The following MCTP2 variants were observed in gnomAD, a reference collection of about 807,000 sequenced individuals.
The protein encoded by MCTP2 is multiple C2 and transmembrane domain-containing protein 2.
MCTP2 carries 132 observed loss-of-function variants against 111.6 expected under a neutral mutation model. The ratio of observed to expected loss-of-function variants is 1.18; its 90% CI spans 1.03 to 1.37. The LOEUF (loss-of-function observed/expected upper bound fraction) is 1.37, where lower values mean the gene tolerates loss of function less well. MCTP2 is among the 40% of genes most tolerant of loss of function. The pLI is 0.00. For synonymous variants in MCTP2, 395 were observed against 387.7 expected, an observed-to-expected ratio of 1.02 and a Z score of -0.22; for missense variants, 1,183 against 1,067.9, an observed-to-expected ratio of 1.11 and a Z score of -1.50.
At chr15:94,350,384 T>C (rs2078239872) in intron 8 of MCTP2, among the ~76,000 whole-genome samples, 1 of 152,084 alleles carries the variant, frequency 6.6e-6, no homozygotes, top group Admixed American at 6.5e-5. Context: ...GGTCAGGAGT[T>C]CAAGACCAGC....
chr15:94,460,191 C>G (rs1861365823), intron 20 of MCTP2, among the ~76,000 whole-genome samples: 1 of 152,038 alleles, frequency 6.6e-6, no homozygotes, highest in South Asian at 2.1e-4. Flanking sequence ...ATCTGATCAG[C>G]CCAGGAAGAG....
intron 1 of MCTP2, among the ~76,000 whole-genome samples, chr15:94,244,555 T>A (rs1226504827): frequency 2.7e-5 from 4 of 146,774 alleles, no homozygotes; most frequent in Non-Finnish European, 6.0e-5. Context: ...CATATGCACC[T>A]ATGTTTATAT....
At chr15:94,391,670 A>G (rs906681631) in intron 14 of MCTP2, among the ~76,000 whole-genome samples, 2 of 152,232 alleles carry the variant, frequency 1.3e-5, no homozygotes. Flanking sequence ...ATTGAAATAA[A>G]TAAATGAAGA....
At chr15:94,410,138 G>A (rs28399684) in intron 17 of MCTP2, among the ~76,000 whole-genome samples, 73,415 of 151,936 alleles carry the variant, frequency 0.48, 18,059 homozygotes, top group African/African-American at 0.56. Context: ...AGGAATTACT[G>A]CTATCTGATA....
chr15:94,257,566 GTTGTTTTTTTTTTTT>G (rs869225651), intron 1 of MCTP2, among the ~76,000 whole-genome samples: 31,893 of 72,574 alleles, frequency 0.44, 6,568 homozygotes, highest in South Asian at 0.52. Context: ...CATTTTCTTT[GTTGTTTTTTTTTTTT>G]TTTTTTTTTT....
intron 4 of MCTP2, among the ~76,000 whole-genome samples, chr15:94,321,197 G>A (rs2076614766): frequency 6.6e-6 from 1 of 152,054 alleles, no homozygotes; most frequent in African/African-American, 2.4e-5. Context: ...GTTGGTTAAG[G>A]GGTACAAAAA....
chr15:94,232,107 CAG>C, intron 1 of MCTP2: 1 of 152,128 alleles, frequency 6.6e-6, no homozygotes, highest in South Asian at 2.1e-4. Context: ...GACACCGGAG[CAG>C]AAATCCTTGG....
intron 1 of MCTP2, among the ~76,000 whole-genome samples, chr15:94,235,915 A>G (rs991415910): frequency 2.0e-5 from 3 of 152,236 alleles, no homozygotes; most frequent in African/African-American, 4.8e-5. Flanking sequence ...TAACAATCGT[A>G]GTCATTTGCT....
chr15:94,407,443 C>T (rs1164569678), intron 17 of MCTP2, among the ~76,000 whole-genome samples: 1 of 152,090 alleles, frequency 6.6e-6, no homozygotes, highest in Non-Finnish European at 1.5e-5. Context: ...CTAAATCTAC[C>T]ATATATCAAC....
rs72751326 is a variant in MCTP2 at position 94,401,561 on chromosome 15, T to G, written c.1966-339T>G. ...CTGTCTTTCTCTTTCTAGTTCTCTCTCTCTCTCTGCCTCTGCATGTGTCTT... is the reference window on the plus strand; with the variant it reads ...CTGTCTTTCTCTTTCTAGTTCTCTCGCTCTCTCTGCCTCTGCATGTGTCTT... On this transcript the variant is annotated intron_variant, in intron 16 of 22. Coordinates refer to ENST00000357742, the MANE Select transcript of MCTP2 (RefSeq NM_001385001.1). Among the ~76,000 whole-genome samples, 516 of 152,338 alleles carry G rather than the reference T, an allele frequency of 3.4e-3. 4 individuals carry two copies. The highest frequency in any genetic ancestry group is 5.6e-3 in the Non-Finnish European group (380 of 68,030).
At chr15:94,404,228 A>C (rs2081773017) in intron 17 of MCTP2, among the ~76,000 whole-genome samples, 1 of 152,116 alleles carries the variant, frequency 6.6e-6, no homozygotes. Context: ...TGCTATTAAA[A>C]TGAGAGGCTA....
chr15:94,258,344 G>A (rs1255429798), intron 1 of MCTP2, among the ~76,000 whole-genome samples: 1 of 152,114 alleles, frequency 6.6e-6, no homozygotes, highest in Non-Finnish European at 1.5e-5. Flanking sequence ...TTCTAATTAT[G>A]AGTGACTCCT....
chr15:94,426,812 C>T (rs965266053), intron 17 of MCTP2, among the ~76,000 whole-genome samples: 2 of 152,136 alleles, frequency 1.3e-5, no homozygotes, highest in Non-Finnish European at 2.9e-5. Context: ...TATAGCAAGT[C>T]ACTCTGATCC....
chr15:94,444,937 C>A lies in MCTP2; in HGVS notation c.2250+1977C>A, dbSNP rs575130635. Among the ~76,000 whole-genome samples the A allele has an allele frequency of 7.2e-4, 109 of 152,192 alleles. 2 individuals are homozygous for A. In the South Asian group the frequency reaches 0.011, roughly 15 times the overall value. ...TGGCCCATCTAGTAAAGGAGAGTAT[C>A]CAACAAGATGATGAATGGAAACATG... On this transcript the variant is annotated intron_variant, in intron 19 of 22. Coordinates refer to ENST00000357742, the MANE Select transcript of MCTP2 (RefSeq NM_001385001.1).
In MCTP2 at chr15:94,355,996, C is replaced by G. The variant is rs2078600567; in HGVS notation, c.1006-141C>G. On this transcript the variant is annotated intron_variant, in intron 8 of 22. Transcript: ENST00000357742. ...TAACTGTGACAGCAGGTTTGCAAAA[C>G]CAATGAAAAAAACAGTTTTCCCCAG... 6.8e-6 allele frequency: 9 copies of G among 1,332,026 alleles called. No individual in the cohort carries two copies. The South Asian group carries it at 1.8e-4, about 27-fold the overall frequency. The allele number at this position is 1,332,026 out of a possible 1,614,324, so 82.5% of individuals were successfully genotyped here. A position where few individuals can be genotyped will look rare whatever the true frequency, so the allele number is the denominator to read the frequency against.
At chr15:94,265,259 G>T (rs142007865) in intron 1 of MCTP2, among the ~76,000 whole-genome samples, 312 of 152,230 alleles carry the variant, frequency 2.0e-3, no homozygotes, top group Non-Finnish European at 3.8e-3. Flanking sequence ...ATTTTATCAT[G>T]AGTCACTTAT....
chr15:94,270,857 A>C (rs1310166561), intron 1 of MCTP2, among the ~76,000 whole-genome samples: 1 of 152,182 alleles, frequency 6.6e-6, no homozygotes, highest in Non-Finnish European at 1.5e-5. Context: ...AGACAGACAG[A>C]AATTATTGTC....
chr15:94,298,487 C>G lies in MCTP2; in HGVS notation c.222C>G (p.Ser74=). ...GGCCTTACTCCGGGCCACAGTCTTC[C>G]TACACCTCGGTGCCCAGCAGTCTGT... The part of the protein sequence containing the change: ...EGRPYSGPQS[S]YTSVPSSLST... Residue 74 remains serine (S), a synonymous_variant, in exon 2 of 23, where the codon TCC becomes TCG. Transcript: ENST00000357742. 1 of 1,614,014 alleles carries G rather than the reference C, an allele frequency of 6.2e-7. No homozygotes were observed. The highest frequency in any genetic ancestry group is 2.2e-5 in the East Asian group (1 of 44,868).
intron 12 of MCTP2, among the ~76,000 whole-genome samples, chr15:94,383,252 C>T (rs2080256415): frequency 6.6e-6 from 1 of 152,166 alleles, no homozygotes; most frequent in Admixed American, 6.5e-5. Context: ...CCTCTTACAG[C>T]CATGTAGAAG....
Sources: gnomAD v4.1 joint callset for allele counts (sites outside exome capture counted in the v4.1 genomes callset) on GRCh38, gnomAD v4.1.1 for gene constraint, MANE v1.5 for transcripts, NCBI Gene and HGNC (gene_info 2026-07-23, HGNC 2026-07-21) for gene names.